TRHR: variants seen among roughly 807,000 people sequenced by gnomAD.
TRHR encodes thyrotropin releasing hormone receptor.
Under a neutral mutation model 28.0 loss-of-function variants are expected in TRHR, and 14 were observed. The observed-to-expected ratio is 0.50, with a 90% CI of 0.33 to 0.78. The LOEUF (loss-of-function observed/expected upper bound fraction) is 0.78. TRHR is among the 30% of genes least tolerant of loss of function. The pLI is 0.02. For missense variants in TRHR, 438 were observed against 469.5 expected, an observed-to-expected ratio of 0.93 and a Z score of 0.62; for synonymous variants, 176 against 171.9, an observed-to-expected ratio of 1.02 and a Z score of -0.18.
At chr8:109,111,056 G>A (rs1811824771) in intron 2 of TRHR, among the ~76,000 whole-genome samples, 1 of 152,034 alleles carries the variant, frequency 6.6e-6, no homozygotes, top group Admixed American at 6.6e-5. Flanking sequence ...GGGAGTTGAG[G>A]CAAGAGAATC....
intron 2 of TRHR, among the ~76,000 whole-genome samples, chr8:109,106,486 A>T (rs1368942830): frequency 6.6e-6 from 1 of 152,174 alleles, no homozygotes; most frequent in African/African-American, 2.4e-5. Context: ...GTTCTTCATA[A>T]CAATATAGCC....
At chr8:109,113,653 T>C (rs62510000) in intron 2 of TRHR, among the ~76,000 whole-genome samples, 1,765 of 152,224 alleles carry the variant, frequency 0.012, 23 homozygotes, top group Non-Finnish European at 0.016. Flanking sequence ...TAATCTACCA[T>C]ACTAATGCAA....
rs121917847 is a variant in TRHR at position 109,087,561 on chromosome 8, C to T, written c.49C>T (p.Arg17Ter). The change falls in exon 2 of 3, where the codon CGA (arginine) becomes TGA (stop). Residue 17 changes from arginine (R) to a stop codon, truncating the protein, a stop_gained. Coordinates refer to ENST00000518632, the MANE Select transcript of TRHR (RefSeq NM_003301.7). LOFTEE classifies it high-confidence loss of function. ...ACTGAACCAAACACAGCTTCAGCCA[C>T]GAGCAGTGGTGGCCTTAGAATACCA... The part of the protein sequence containing the change: ...SELNQTQLQP[R>*]AVVALEYQVV... 46 of 1,614,114 alleles carry T rather than the reference C, an allele frequency of 2.8e-5. No individual in the cohort carries two copies. Among genetic ancestry groups the T allele is most frequent in the Middle Eastern group, 3.3e-4 (2 of 6,084 alleles).
At chr8:109,105,039 G>A (rs1315538630) in intron 2 of TRHR, among the ~76,000 whole-genome samples, 5 of 152,164 alleles carry the variant, frequency 3.3e-5, no homozygotes, top group African/African-American at 4.8e-5. Context: ...ATTTGCATAT[G>A]TGTCCATGTG....
At chr8:109,089,692 T>A (rs999262894) in intron 2 of TRHR, among the ~76,000 whole-genome samples, 4 of 152,196 alleles carry the variant, frequency 2.6e-5, no homozygotes, top group Non-Finnish European at 5.9e-5. Context: ...TTCAGCCATT[T>A]ATTACCCAAA....
chr8:109,112,291 C>T (rs867884311), intron 2 of TRHR, among the ~76,000 whole-genome samples: 8 of 152,074 alleles, frequency 5.3e-5, no homozygotes, highest in Admixed American at 1.3e-4. Context: ...TTTTCTGAAT[C>T]AGTACAAAAA....
chr8:109,100,214 G>A (rs1161703082), intron 2 of TRHR, among the ~76,000 whole-genome samples: 1 of 152,122 alleles, frequency 6.6e-6, no homozygotes, highest in Admixed American at 6.6e-5. Flanking sequence ...TTCACTGGTA[G>A]ATTTTCTGTT....
At chr8:109,115,815 T>C (rs1396660312) in intron 2 of TRHR, among the ~76,000 whole-genome samples, 1 of 152,116 alleles carries the variant, frequency 6.6e-6, no homozygotes, top group African/African-American at 2.4e-5. Flanking sequence ...TCCTGCCTGA[T>C]TGCCCTGGCC....
intron 2 of TRHR, among the ~76,000 whole-genome samples, chr8:109,109,471 G>A (rs1811797437): frequency 6.6e-6 from 1 of 150,884 alleles, no homozygotes; most frequent in South Asian, 2.1e-4. Context: ...CCGTTATGAA[G>A]AATATACTAA....
chr8:109,087,220 C>T (rs776181953), intron 1 of TRHR, among the ~76,000 whole-genome samples: 2 of 151,286 alleles, frequency 1.3e-5, no homozygotes, highest in African/African-American at 4.8e-5. Flanking sequence ...TAAGAGGGAA[C>T]TGGTCCCTCT....
intron 2 of TRHR, among the ~76,000 whole-genome samples, chr8:109,117,855 T>C (rs1245054968): frequency 1.3e-5 from 2 of 151,974 alleles, no homozygotes; most frequent in Non-Finnish European, 2.9e-5. Context: ...GTTGGTATTA[T>C]ATGAACCAGT....
chr8:109,096,525 G>T (rs1287175032), intron 2 of TRHR, among the ~76,000 whole-genome samples: 1 of 152,120 alleles, frequency 6.6e-6, no homozygotes, highest in African/African-American at 2.4e-5. Context: ...GCTACAGTAG[G>T]TTCCCCAAAG....
intron 2 of TRHR, among the ~76,000 whole-genome samples, chr8:109,092,895 AATC>A (rs1398001633): frequency 6.6e-6 from 1 of 152,032 alleles, no homozygotes; most frequent in Non-Finnish European, 1.5e-5. Flanking sequence ...CAAAGACCAA[AATC>A]ATCATCATTT....
intron 1 of TRHR, among the ~76,000 whole-genome samples, 198 bp downstream of exon 1, chr8:109,087,081 T>C (rs1033471795): frequency 1.3e-5 from 2 of 152,190 alleles, no homozygotes; most frequent in Non-Finnish European, 2.9e-5. Context: ...TATTATACTT[T>C]TGCCAGGCAT....
chr8:109,098,138 C>CTT (rs375844081), intron 2 of TRHR, among the ~76,000 whole-genome samples: 4 of 145,624 alleles, frequency 2.7e-5, no homozygotes, highest in African/African-American at 1.0e-4. Context: ...TTTCTTTTTT[C>CTT]TTTTTTTTTT....
rs1811463196 is a variant in TRHR, at chr8:109,087,927, T to A, written c.415T>A (p.Phe139Ile). The A allele has an allele frequency of 1.2e-6, 2 of 1,614,062 alleles. No individual in the cohort carries two copies. Among genetic ancestry groups the A allele is most frequent in the African/African-American group, 1.3e-5 (1 of 74,924 alleles). ...CATCAAAGCCCAGTTTCTCTGCACA[T>A]TTTCCAGAGCCAAAAAGATTATCAT... ...HPIKAQFLCTFSRAKKIIIFV... is the reference protein window; with the variant it reads ...HPIKAQFLCTISRAKKIIIFV... Residue 139 changes from phenylalanine (F) to isoleucine (I), a missense_variant, in exon 2 of 3, where the codon TTT becomes ATT. Physicochemically the swap from Phe to Ile is conservative, Grantham distance 21. Coordinates refer to ENST00000518632, the MANE Select transcript of TRHR (RefSeq NM_003301.7).
At position 109,119,354 on chromosome 8, in the gene TRHR, GAGCT is replaced by G; in HGVS notation, c.1097_1100del (p.Glu366ValfsTer35). The G allele has an allele frequency of 6.2e-7, 1 of 1,612,344 alleles. No homozygotes were observed. Among genetic ancestry groups the G allele is most frequent in the South Asian group, 1.1e-5 (1 of 91,024 alleles). On this transcript the variant is annotated frameshift_variant, in exon 3 of 3. Coordinates refer to ENST00000518632, the MANE Select transcript of TRHR (RefSeq NM_003301.7). LOFTEE classifies it high-confidence loss of function. ...CAAGGAGTCAGACCATTTCAGCACA[GAGCT>G]TGATGATATCACTGTCACTGACACT...
chr8:109,114,997 C>A (rs1811897259), intron 2 of TRHR, among the ~76,000 whole-genome samples: 1 of 151,926 alleles, frequency 6.6e-6, no homozygotes, highest in Non-Finnish European at 1.5e-5. Context: ...AGTATAAGAT[C>A]ATTTTTACTC....
Position 109,088,030 on chromosome 8 carries a change from A to G in TRHR, c.518A>G (p.Asp173Gly), listed in dbSNP as rs1811465495. 1.2e-6 allele frequency: 2 copies of G among 1,614,026 alleles called. No individual in the cohort carries two copies. Among genetic ancestry groups the G allele is most frequent in the African/African-American group, 2.7e-5 (2 of 75,002 alleles). ...LLDLNISTYK[D>G]AIVISCGYKI... ...GATCTCAATATTAGCACCTACAAAG[A>G]TGCTATTGTGATATCCTGTGGCTAC... The change falls in exon 2 of 3, where the codon GAT (aspartate) becomes GGT (glycine). Residue 173 changes from aspartate (D) to glycine (G), a missense_variant. Asp to Gly is a moderately conservative substitution (Grantham distance 94, BLOSUM62 -1). Transcript: ENST00000518632.
Sources: gnomAD v4.1 joint callset for allele counts (sites outside exome capture counted in the v4.1 genomes callset) on GRCh38, gnomAD v4.1.1 for gene constraint, MANE v1.5 for transcripts, NCBI Gene and HGNC (gene_info 2026-07-23, HGNC 2026-07-21) for gene names.